ENAH: variants seen among roughly 807,000 people sequenced by gnomAD.
The protein encoded by ENAH is protein enabled homolog.
A neutral mutation model predicts 78.7 loss-of-function variants in ENAH; 23 were observed. The ratio of observed to expected loss-of-function variants is 0.29; its 90% CI spans 0.21 to 0.41. The LOEUF (loss-of-function observed/expected upper bound fraction) is 0.41, where lower values mean the gene tolerates loss of function less well. Among genes scored for constraint, ENAH ranks in the 10% least tolerant of loss-of-function variants. The pLI is 1.00. For synonymous variants in ENAH, 226 were observed against 241.0 expected, an observed-to-expected ratio of 0.94 and a Z score of 0.58; for missense variants, 544 against 691.0, an observed-to-expected ratio of 0.79 and a Z score of 2.39.
At chr1:225,631,718 C>T (rs896811370) in intron 1 of ENAH, among the ~76,000 whole-genome samples, 5 of 152,130 alleles carry the variant, frequency 3.3e-5, no homozygotes, top group Non-Finnish European at 7.4e-5. Flanking sequence ...CTCAAAGTTT[C>T]TCCATGTACC....
intron 3 of ENAH, among the ~76,000 whole-genome samples, chr1:225,552,590 T>G (rs1333626292): frequency 6.6e-6 from 1 of 152,012 alleles, no homozygotes; most frequent in African/African-American, 2.4e-5. Context: ...TTCTATATGG[T>G]TTTTTTTCCA....
At chr1:225,581,390 C>A in intron 1 of ENAH, 1 of 544,416 alleles carries the variant, frequency 1.8e-6, no homozygotes, top group Non-Finnish European at 2.3e-6. Flanking sequence ...CAGGCAGAGC[C>A]AAGTTAGACA....
intron 1 of ENAH, among the ~76,000 whole-genome samples, chr1:225,593,381 G>C (rs2096886378): frequency 7.9e-6 from 1 of 126,424 alleles, no homozygotes; most frequent in Non-Finnish European, 1.6e-5. Context: ...GCACACTGCA[G>C]CCTGCCCCTG....
intron 4 of ENAH, among the ~76,000 whole-genome samples, chr1:225,520,196 G>A (rs1434835047): frequency 1.3e-5 from 2 of 151,982 alleles, no homozygotes; most frequent in Non-Finnish European, 2.9e-5. Flanking sequence ...TTGGGAGGCT[G>A]AGGCAGGAGA....
chr1:225,573,332 G>A (rs1020157470), intron 1 of ENAH, among the ~76,000 whole-genome samples: 2 of 151,992 alleles, frequency 1.3e-5, no homozygotes, highest in Admixed American at 6.6e-5. Context: ...TCAAGACCTG[G>A]ATCAAATACT....
intron 1 of ENAH, among the ~76,000 whole-genome samples, chr1:225,637,794 G>A (rs1660325896): frequency 6.6e-6 from 1 of 152,100 alleles, no homozygotes; most frequent in Non-Finnish European, 1.5e-5. Context: ...GTGATGGCAG[G>A]TGCCTATAGT....
chr1:225,541,539 G>A (rs1220403829), intron 3 of ENAH, among the ~76,000 whole-genome samples: 3 of 152,136 alleles, frequency 2.0e-5, no homozygotes, highest in Non-Finnish European at 2.9e-5. Context: ...TGGGTAAACC[G>A]TATGGTATGT....
intron 2 of ENAH, among the ~76,000 whole-genome samples, chr1:225,564,355 T>TCTCGGCTCACCGCAAC (rs1208385286): frequency 7.9e-5 from 12 of 152,074 alleles, no homozygotes; most frequent in Admixed American, 1.3e-4. Context: ...AATGGCGCAA[T>TCTCGGCTCACCGCAAC]CTCGGCTCAC....
intron 1 of ENAH, among the ~76,000 whole-genome samples, chr1:225,597,951 G>GTTT (rs2096910604): frequency 7.0e-6 from 1 of 143,264 alleles, no homozygotes; most frequent in African/African-American, 2.5e-5. Context: ...TTTTTTTTTG[G>GTTT]CAAATATTAA....
At chr1:225,511,786 G>A (rs1170012505) in intron 10 of ENAH, 25 bp downstream of exon 10, 4 of 1,559,060 alleles carry the variant, frequency 2.6e-6, no homozygotes, top group Non-Finnish European at 3.5e-6. Flanking sequence ...GTTTATAAAG[G>A]TTAAAATATT....
chr1:225,547,082 T>TG (rs1170562174), intron 3 of ENAH, among the ~76,000 whole-genome samples: 1 of 151,956 alleles, frequency 6.6e-6, no homozygotes, highest in African/African-American at 2.4e-5. Flanking sequence ...TGTTTTGTTT[T>TG]TTTTTTTGAG....
At position 225,492,099 on chromosome 1, in the gene ENAH, T is replaced by C. The variant is rs890829516; in HGVS notation, c.*5676A>G. On this transcript the variant is annotated 3_prime_UTR_variant, in exon 14 of 14. Coordinates refer to ENST00000366843, the MANE Select transcript of ENAH (RefSeq NM_018212.6). ...TCTCTTAGAATTTTTTTTTTTTTTT[T>C]TTAGAGACAGGTTCTCGCTCTGTCA... The C allele has an allele frequency of 6.6e-6, 1 of 151,950 alleles. No individual in the cohort carries two copies. The highest frequency in any genetic ancestry group is 6.6e-5 in the Admixed American group (1 of 15,246). 9.4% of individuals were successfully genotyped at this position (151,950 alleles called of 1,614,324 possible).
At chr1:225,580,384 A>G (rs1184105410) in intron 1 of ENAH, 1 of 152,162 alleles carries the variant, frequency 6.6e-6, no homozygotes, top group East Asian at 1.9e-4. Flanking sequence ...GCTTAGAAGC[A>G]GATCCTCCTC....
chr1:225,581,218 A>G (rs1462473899), intron 1 of ENAH: 1 of 934,336 alleles, frequency 1.1e-6, no homozygotes, highest in Non-Finnish European at 1.3e-6. Flanking sequence ...ATTAATAAGA[A>G]ACTTTTCTCA....
intron 1 of ENAH, among the ~76,000 whole-genome samples, chr1:225,624,616 C>A (rs1356128050): frequency 6.7e-6 from 1 of 149,896 alleles, no homozygotes; most frequent in African/African-American, 2.5e-5. Context: ...AGAGTAAGAC[C>A]CTGCCACTAA....
At chr1:225,503,658 C>CAAAAAAAAAAAAA (rs10683254) in intron 11 of ENAH, among the ~76,000 whole-genome samples, 10 of 82,944 alleles carry the variant, frequency 1.2e-4, no homozygotes, top group African/African-American at 2.0e-4. Flanking sequence ...CAAACCACCT[C>CAAAAAAAAAAAAA]AAAAAAAAAA....
intron 2 of ENAH, among the ~76,000 whole-genome samples, chr1:225,563,533 GC>G (rs1421744701): frequency 6.6e-6 from 1 of 152,046 alleles, no homozygotes; most frequent in African/African-American, 2.4e-5. Context: ...AGAACCTCTT[GC>G]TTTTGTAGGT....
intron 1 of ENAH, among the ~76,000 whole-genome samples, chr1:225,642,876 A>T (rs978441429): frequency 2.6e-5 from 4 of 152,204 alleles, no homozygotes; most frequent in Non-Finnish European, 5.9e-5. Flanking sequence ...AAGAAATACA[A>T]ATTAAACCAA....
intron 3 of ENAH, among the ~76,000 whole-genome samples, chr1:225,552,616 G>T (rs1320306267): frequency 6.6e-6 from 1 of 152,028 alleles, no homozygotes; most frequent in African/African-American, 2.4e-5. Flanking sequence ...AAAAACTACA[G>T]AACTAAAAGC....
Sources: allele counts gnomAD v4.1 joint callset (sites outside exome capture counted in the v4.1 genomes callset), GRCh38; gene constraint gnomAD v4.1.1; transcripts MANE v1.5; gene names NCBI Gene and HGNC (gene_info 2026-07-23, HGNC 2026-07-21).